Variants in MDM1 observed in about 807,000 individuals in gnomAD.
MDM1 encodes the protein stabilizer of axonemal microtubules 6, also known as Mdm1 nuclear protein.
A neutral mutation model predicts 89.1 loss-of-function variants in MDM1; 61 were observed. The observed-to-expected ratio is 0.68, with a 90% CI of 0.56 to 0.85. The LOEUF is 0.85. Among genes scored for constraint, MDM1 ranks in the 40% least tolerant of loss-of-function variants. MDM1 has a pLI of 0.00. For synonymous variants in MDM1, 290 were observed against 294.1 expected (o/e 0.99, Z 0.14); for missense variants, 820 against 846.5 (o/e 0.97, Z 0.39).
chr12:68,324,081 A>G (rs1473733847), intron 4 of MDM1, among the ~76,000 whole-genome samples: 3 of 152,158 alleles, frequency 2.0e-5, no homozygotes, highest in African/African-American at 7.2e-5. Context: ...TGAATTCAAT[A>G]TGCTTTGAAC....
At chr12:68,321,097 T>C in intron 7 of MDM1, 1 of 356,114 alleles carries the variant, frequency 2.8e-6, no homozygotes, top group Non-Finnish European at 5.0e-6. Flanking sequence ...ATTAACACAA[T>C]CAAATGTTTG....
intron 7 of MDM1, among the ~76,000 whole-genome samples, chr12:68,317,318 G>T (rs1050814509): frequency 1.3e-5 from 2 of 151,696 alleles, no homozygotes; most frequent in Non-Finnish European, 2.9e-5. Context: ...TTAAAATTCT[G>T]TTCAGTATCT....
At position 68,302,887 on chromosome 12, in the gene MDM1, A is replaced by T. The variant is rs967738546; in HGVS notation, c.1750-15T>A. On this transcript the variant is annotated splice_polypyrimidine_tract_variant and intron_variant, in intron 12 of 14. Coordinates refer to ENST00000682720, the MANE Select transcript of MDM1 (RefSeq NM_001354969.2). ...CGACTTTCTTTCTAAATGACAAAAA[A>T]AAAAAAAAAAAAAAGATGCCTATGT... The T allele has an allele frequency of 2.2e-5, 34 of 1,517,006 alleles. No homozygotes were observed. The highest frequency in any genetic ancestry group is 3.0e-5 in the Non-Finnish European group (34 of 1,134,798). 94.0% of individuals were successfully genotyped at this position (1,517,006 alleles called of 1,614,324 possible).
intron 4 of MDM1, chr12:68,325,231 C>T: frequency 8.6e-7 from 1 of 1,168,166 alleles, no homozygotes; most frequent in Non-Finnish European, 1.1e-6. Context: ...CATCTGGCAA[C>T]AATGATCATC....
Position 68,315,984 on chromosome 12 carries a change from C to G in MDM1, c.1211+94G>C, listed in dbSNP as rs537487326. 3.0e-6 allele frequency: 3 copies of G among 992,664 alleles called. No homozygotes were observed. The African/African-American group carries it at 5.0e-5, about 16-fold the overall frequency. 61.5% of individuals were successfully genotyped at this position (992,664 alleles called of 1,614,324 possible). A position where few individuals can be genotyped will look rare whatever the true frequency, so the allele number is the denominator to read the frequency against. On this transcript the variant is annotated intron_variant, in intron 9 of 14. Transcript: ENST00000682720. ...GCCACAATTCCATTCGACTAGGAGACACATTTTGAGTAGTCAGGTCATTTT... is the reference window on the plus strand; with the variant it reads ...GCCACAATTCCATTCGACTAGGAGAGACATTTTGAGTAGTCAGGTCATTTT...
chr12:68,329,831 C>CCCA (rs1876531790), intron 2 of MDM1, among the ~76,000 whole-genome samples: 1 of 152,216 alleles, frequency 6.6e-6, no homozygotes, highest in Admixed American at 6.5e-5. Context: ...GCCCAGGACT[C>CCCA]TGCCTTCCCT....
At position 68,332,339 on chromosome 12, in the gene MDM1, T is replaced by A. The variant is rs569503221; in HGVS notation, c.-94A>T. Reference sequence around the variant, plus strand: ...GATAACAGTGTTCCCTAGCAAAGCCTCGGCCCGGCGTCCCCGACTACGCGC... The same window carrying A: ...GATAACAGTGTTCCCTAGCAAAGCCACGGCCCGGCGTCCCCGACTACGCGC... On this transcript the variant is annotated 5_prime_UTR_variant, in exon 1 of 15. Transcript: ENST00000682720. 34 of 1,423,240 alleles carry A rather than the reference T, an allele frequency of 2.4e-5. No individual in the cohort carries two copies. The South Asian group carries it at 4.0e-4, about 17-fold the overall frequency. The allele number at this position is 1,423,240 out of a possible 1,614,324, so 88.2% of individuals were successfully genotyped here. A position where few individuals can be genotyped will look rare whatever the true frequency, so the allele number is the denominator to read the frequency against.
intron 14 of MDM1, among the ~76,000 whole-genome samples, chr12:68,296,281 C>CCT (rs779974148): frequency 6.6e-5 from 10 of 152,192 alleles, no homozygotes; most frequent in Non-Finnish European, 1.3e-4. Context: ...GGGCGGATCA[C>CCT]AAGGTCAGGA....
intron 9 of MDM1, 107 bp downstream of exon 9, chr12:68,315,971 T>C (rs983833112): frequency 4.7e-6 from 4 of 856,512 alleles, no homozygotes; most frequent in African/African-American, 3.5e-5. Flanking sequence ...CACAATTCCA[T>C]TCGACTAGGA....
At chr12:68,329,810 G>A (rs1018195171) in intron 2 of MDM1, among the ~76,000 whole-genome samples, 4 of 152,104 alleles carry the variant, frequency 2.6e-5, no homozygotes, top group East Asian at 1.9e-4. Context: ...ATCACCCTCC[G>A]GGAAACTCTG....
At chr12:68,324,543 T>G (rs1032218225) in intron 4 of MDM1, among the ~76,000 whole-genome samples, 1 of 152,184 alleles carries the variant, frequency 6.6e-6, no homozygotes, top group Non-Finnish European at 1.5e-5. Flanking sequence ...TCTATCTTAA[T>G]GTAAGATGAC....
At position 68,295,142 on chromosome 12, in the gene MDM1, T is replaced by C; in HGVS notation, c.*112A>G. 1.6e-6 allele frequency: 1 copy of C among 633,554 alleles called. No individual in the cohort carries two copies. The highest frequency in any genetic ancestry group is 2.8e-6 in the Non-Finnish European group (1 of 357,100). The allele number at this position is 633,554 out of a possible 1,614,324, so 39.2% of individuals were successfully genotyped here. ...GTAAACTGTTCTATTGGAAATTAAA[T>C]ATTTCAAAGTAGAAAACGTTAGGAA... On this transcript the variant is annotated 3_prime_UTR_variant, in exon 15 of 15. Coordinates refer to ENST00000682720, the MANE Select transcript of MDM1 (RefSeq NM_001354969.2).
At chr12:68,320,641 AG>A (rs1875097543) in intron 7 of MDM1, among the ~76,000 whole-genome samples, 1 of 152,120 alleles carries the variant, frequency 6.6e-6, no homozygotes, top group African/African-American at 2.4e-5. Context: ...TTACAATGAC[AG>A]GGGGAAGTGG....
rs939466610 is a variant in MDM1 at position 68,316,349 on chromosome 12, G to A, written c.1036-96C>T. 1.3e-5 allele frequency: 18 copies of A among 1,363,494 alleles called. No individual in the cohort carries two copies. The Admixed American group carries it at 2.0e-4, about 15-fold the overall frequency. The allele number at this position is 1,363,494 out of a possible 1,614,324, so 84.5% of individuals were successfully genotyped here. ...CAAAGACATTGCACAAATACAGCCA[G>A]GGACCAAAGACAAAGGAAGGCAAAA... On this transcript the variant is annotated intron_variant, in intron 8 of 14. Transcript: ENST00000682720.
chr12:68,314,144 A>AAAT, intron 10 of MDM1, among the ~76,000 whole-genome samples: 1 of 151,918 alleles, frequency 6.6e-6, no homozygotes, highest in East Asian at 1.9e-4. Flanking sequence ...CTCAAAAAAA[A>AAAT]AAAAAAAAAA....
intron 3 of MDM1, chr12:68,325,926 A>AC: frequency 1.0e-6 from 1 of 998,354 alleles, no homozygotes; most frequent in Non-Finnish European, 1.2e-6. Context: ...TTCTATGAAC[A>AC]CCCCTTCTCC....
At chr12:68,307,893 G>A (rs1008772144) in intron 12 of MDM1, among the ~76,000 whole-genome samples, 3 of 143,606 alleles carry the variant, frequency 2.1e-5, no homozygotes, top group Non-Finnish European at 3.0e-5. Flanking sequence ...AGCCAAGATC[G>A]CACCACTATA....
At chr12:68,306,764 G>A (rs1872941998) in intron 12 of MDM1, among the ~76,000 whole-genome samples, 1 of 151,742 alleles carries the variant, frequency 6.6e-6, no homozygotes, top group Non-Finnish European at 1.5e-5. Flanking sequence ...AAAAGGAAAC[G>A]CAACCCCTTT....
At chr12:68,300,276 C>T (rs985268808) in intron 13 of MDM1, among the ~76,000 whole-genome samples, 11 of 151,974 alleles carry the variant, frequency 7.2e-5, no homozygotes, top group African/African-American at 2.4e-4. Context: ...AACAACACAA[C>T]GGAAAAAACA....
Sources: gnomAD v4.1 joint callset for allele counts (sites outside exome capture counted in the v4.1 genomes callset) on GRCh38, gnomAD v4.1.1 for gene constraint, MANE v1.5 for transcripts, NCBI Gene and HGNC (gene_info 2026-07-23, HGNC 2026-07-21) for gene names.